KCNQ3: variants seen among roughly 807,000 people sequenced by gnomAD.
KCNQ3 encodes potassium voltage-gated channel subfamily Q member 3.
Under a neutral mutation model 92.5 loss-of-function variants are expected in KCNQ3, and 30 were observed. The ratio of observed to expected loss-of-function variants is 0.32; its 90% CI spans 0.24 to 0.44. KCNQ3 has a LOEUF of 0.44. Among genes scored for constraint, KCNQ3 ranks in the 20% least tolerant of loss-of-function variants. KCNQ3 has a pLI of 1.00. For missense variants in KCNQ3, 913 were observed against 1,140.3 expected (o/e 0.80, Z 2.87); for synonymous variants, 450 against 468.8 (o/e 0.96, Z 0.52).
At chr8:132,472,015 G>A (rs565448254) in intron 1 of KCNQ3, among the ~76,000 whole-genome samples, 1 of 152,122 alleles carries the variant, frequency 6.6e-6, no homozygotes, top group Non-Finnish European at 1.5e-5. Context: ...AAAGATGTTT[G>A]ATATCACTAA....
rs552018331 is a variant in KCNQ3, at chr8:132,436,560, T to C, written c.386+43587A>G. On this transcript the variant is annotated intron_variant, in intron 1 of 14. Coordinates refer to ENST00000388996, the MANE Select transcript of KCNQ3 (RefSeq NM_004519.4). ...CAGCTTCTGTAGACACTAACTAGTTTGGGGATTATTTGTACAGGAATCTTC... is the reference window on the plus strand; with the variant it reads ...CAGCTTCTGTAGACACTAACTAGTTCGGGGATTATTTGTACAGGAATCTTC... Among the ~76,000 whole-genome samples the C allele has an allele frequency of 1.6e-4, 24 of 152,364 alleles. No homozygotes were observed. The East Asian group carries it at 3.5e-3, about 22-fold the overall frequency.
intron 1 of KCNQ3, among the ~76,000 whole-genome samples, chr8:132,243,841 C>T (rs1347320832): frequency 6.6e-6 from 1 of 152,230 alleles, no homozygotes; most frequent in Admixed American, 6.5e-5. Flanking sequence ...ATTACCCTTG[C>T]ATACAGATTC....
In KCNQ3 at chr8:132,408,279, A is replaced by T. The variant is rs189412781; in HGVS notation, c.386+71868T>A. ...CTTTCAAGAATCCAGCAATGTCTTA[A>T]GTCTATTTGCCAAGTACTGCTGTGG... is the stretch of plus-strand genomic sequence containing the variant. On this transcript the variant is annotated intron_variant, in intron 1 of 14. Coordinates refer to ENST00000388996, the MANE Select transcript of KCNQ3 (RefSeq NM_004519.4). Among the ~76,000 whole-genome samples, 13 of 152,274 alleles carry T rather than the reference A, an allele frequency of 8.5e-5. 1 individual carries two copies. The highest frequency in any genetic ancestry group is 3.1e-4 in the African/African-American group (13 of 41,552).
intron 9 of KCNQ3, among the ~76,000 whole-genome samples, chr8:132,142,630 C>A (rs999876834): frequency 1.3e-5 from 2 of 152,162 alleles, no homozygotes; most frequent in East Asian, 1.9e-4. Flanking sequence ...TGCTCCCTTA[C>A]CCCACACAGA....
chr8:132,480,315 C>T lies in KCNQ3; in HGVS notation c.218G>A (p.Gly73Asp). ...GGTCCTCCGCTGCCCCTCGTCGCGG[C>T]CGCCGCCCTCCAGCAGCAGGGTCCC... ...KDGTLLLEGG[G>D]RDEGQRRTPQ... Residue 73 changes from glycine to aspartate, a missense_variant, in exon 1 of 15, where the codon GGC becomes GAC. Gly to Asp is a moderately conservative substitution (Grantham distance 94). Around this residue, in one of 6 missense-constraint regions of KCNQ3, gnomAD observed 183 missense variants for 167.7 expected, o/e 1.09. Transcript: ENST00000388996. 6.2e-7 allele frequency: 1 copy of T among 1,601,578 alleles called. No individual in the cohort carries two copies.
intron 1 of KCNQ3, among the ~76,000 whole-genome samples, chr8:132,420,176 A>G (rs552504071): frequency 2.6e-5 from 4 of 152,208 alleles, no homozygotes; most frequent in South Asian, 2.1e-4. Context: ...CTCTTGTACA[A>G]GAGAGCACTA....
chr8:132,423,616 T>C (rs964225571), intron 1 of KCNQ3, among the ~76,000 whole-genome samples: 1 of 152,214 alleles, frequency 6.6e-6, no homozygotes, highest in South Asian at 2.1e-4. Context: ...GAAGATCCGA[T>C]GAGCAAATCA....
At chr8:132,395,092 G>A (rs535491401) in intron 1 of KCNQ3, among the ~76,000 whole-genome samples, 8 of 152,156 alleles carry the variant, frequency 5.3e-5, no homozygotes, top group African/African-American at 1.9e-4. Context: ...CAACCCTGCT[G>A]GTTTTTAAAA....
chr8:132,383,118 A>C (rs1183379607), intron 1 of KCNQ3, among the ~76,000 whole-genome samples: 1 of 152,032 alleles, frequency 6.6e-6, no homozygotes, highest in East Asian at 1.9e-4. Flanking sequence ...AATGCCCCAC[A>C]CCCAAACCAT....
chr8:132,260,774 C>A (rs912462913), intron 1 of KCNQ3, among the ~76,000 whole-genome samples: 6 of 151,960 alleles, frequency 3.9e-5, no homozygotes, highest in African/African-American at 1.4e-4. Flanking sequence ...ATCCATCCAT[C>A]CATTATCCAT....
Position 132,129,384 on chromosome 8 carries a change from G to A in KCNQ3, c.2497C>T (p.Leu833Phe), listed in dbSNP as rs760792695. The A allele has an allele frequency of 6.2e-7, 1 of 1,614,200 alleles. No homozygotes were observed. The highest frequency in any genetic ancestry group is 1.1e-5 in the South Asian group (1 of 91,078). Residue 833 changes from leucine to phenylalanine, a missense_variant, in exon 15 of 15, where the codon CTC becomes TTC. Leu to Phe is a conservative substitution (Grantham distance 22). Coordinates refer to ENST00000388996, the MANE Select transcript of KCNQ3 (RefSeq NM_004519.4). The surrounding 1 kb of genome is among the most constrained non-coding windows in gnomAD (Gnocchi z 5.9). Reference protein sequence around the residue: ...GSSWMREKRYLAEGETDTDTD... With the variant: ...GSSWMREKRYFAEGETDTDTD... The stretch of plus-strand genomic sequence containing the variant: ...TCTGTGTCCGTCTCACCCTCGGCGA[G>A]GTACCGCTTCTCCCTCATCCAGCTC...
intron 1 of KCNQ3, among the ~76,000 whole-genome samples, chr8:132,334,006 C>T (rs767127165): frequency 1.3e-5 from 2 of 152,024 alleles, no homozygotes; most frequent in African/African-American, 2.4e-5. Context: ...GCATGTGAGC[C>T]ACCACACCCA....
Position 132,161,114 on chromosome 8 carries a change from GAC to G in KCNQ3, c.1262+2352_1262+2353del. Among the ~76,000 whole-genome samples, 3 of 152,214 alleles carry G rather than the reference GAC, an allele frequency of 2.0e-5. No individual in the cohort carries two copies. The South Asian group carries it at 6.2e-4, about 32-fold the overall frequency. ...AGTCCACGTAAATCAAAACATTCAA[GAC>G]AGCCCTTATAAAGCCATAGCTTTAT... On this transcript the variant is annotated intron_variant, in intron 9 of 14. Coordinates refer to ENST00000388996, the MANE Select transcript of KCNQ3 (RefSeq NM_004519.4).
intron 1 of KCNQ3, among the ~76,000 whole-genome samples, chr8:132,234,800 G>A (rs555870654): frequency 2.0e-5 from 3 of 152,262 alleles, no homozygotes; most frequent in South Asian, 2.1e-4. Context: ...CAGGTTGCCT[G>A]ACTTGGATAA....
intron 1 of KCNQ3, among the ~76,000 whole-genome samples, chr8:132,296,264 C>T (rs1340242580): frequency 6.6e-6 from 1 of 152,112 alleles, no homozygotes; most frequent in African/African-American, 2.4e-5. Flanking sequence ...TCCTGTAAAC[C>T]CTGTTTTGAC....
intron 1 of KCNQ3, among the ~76,000 whole-genome samples, chr8:132,407,187 C>G (rs1214139195): frequency 6.6e-6 from 1 of 152,092 alleles, no homozygotes; most frequent in Non-Finnish European, 1.5e-5. Flanking sequence ...CAGTTTCACC[C>G]CAGGAGCAGC....
At chr8:132,149,690 G>A (rs549631877) in intron 9 of KCNQ3, among the ~76,000 whole-genome samples, 26 of 152,270 alleles carry the variant, frequency 1.7e-4, no homozygotes, top group African/African-American at 3.6e-4. Flanking sequence ...ACAGACACGC[G>A]CGCGGGACAG....
chr8:132,333,370 A>C (rs974676707), intron 1 of KCNQ3, among the ~76,000 whole-genome samples: 7 of 152,194 alleles, frequency 4.6e-5, no homozygotes, highest in African/African-American at 1.7e-4. Flanking sequence ...TACTTCCTGG[A>C]CTTATAAATA....
At chr8:132,270,378 C>T (rs1158148940) in intron 1 of KCNQ3, among the ~76,000 whole-genome samples, 1 of 152,180 alleles carries the variant, frequency 6.6e-6, no homozygotes, top group Admixed American at 6.5e-5. Context: ...GAAATGGGTA[C>T]TTTTTGTTTT....
Sources: gnomAD v4.1 joint callset for allele counts (sites outside exome capture counted in the v4.1 genomes callset) on GRCh38, gnomAD v4.1.1 for gene constraint, gnomAD v4.1.1 regional missense constraint, Gnocchi (gnomAD v3.1) non-coding constraint, MANE v1.5 for transcripts, NCBI Gene and HGNC (gene_info 2026-07-23, HGNC 2026-07-21) for gene names.